SELP: variants seen among roughly 807,000 people sequenced by gnomAD.
The protein encoded by SELP is selectin P, also known as P-selectin.
A neutral mutation model predicts 104.1 loss-of-function variants in SELP; 92 were observed. That is an observed-to-expected ratio of 0.88 (90% CI 0.75 to 1.05). The LOEUF is 1.05. SELP is among the 50% of genes least tolerant of loss of function. The probability of loss-of-function intolerance (pLI) is 0.00; values close to 1 mark genes in which losing one functional copy is unlikely to be tolerated. For synonymous variants in SELP, 397 were observed against 364.5 expected, an observed-to-expected ratio of 1.09 and a Z score of -1.01; for missense variants, 1,022 against 1,017.3, an observed-to-expected ratio of 1.00 and a Z score of -0.06.
chr1:169,610,506 CA>C (rs1220513227), intron 7 of SELP, among the ~76,000 whole-genome samples: 1 of 152,060 alleles, frequency 6.6e-6, no homozygotes, highest in Non-Finnish European at 1.5e-5. Flanking sequence ...ATTTAAGAAC[CA>C]AAAATCCGGC....
At chr1:169,598,775 G>A (rs1661754441) in intron 10 of SELP, among the ~76,000 whole-genome samples, 1 of 152,194 alleles carries the variant, frequency 6.6e-6, no homozygotes, top group African/African-American at 2.4e-5. Flanking sequence ...CCAGAGAACA[G>A]GGCCTGACAC....
At chr1:169,610,706 G>T (rs534603301) in intron 7 of SELP, among the ~76,000 whole-genome samples, 117 of 152,234 alleles carry the variant, frequency 7.7e-4, no homozygotes, top group Non-Finnish European at 1.3e-3. Flanking sequence ...TTGAACCTGG[G>T]AGGCAGAGGT....
intron 5 of SELP, 136 bp from the exon 6 acceptor site, chr1:169,612,538 G>T: frequency 1.4e-6 from 1 of 730,212 alleles, no homozygotes; most frequent in Non-Finnish European, 2.3e-6. Flanking sequence ...GTTAAATGGT[G>T]TTTTCAATAG....
intron 5 of SELP, 59 bp from the exon 6 acceptor site, chr1:169,612,461 G>A (rs1176920597): frequency 6.4e-6 from 10 of 1,553,760 alleles, no homozygotes; most frequent in South Asian, 1.1e-5. Context: ...CCATCACCTT[G>A]GAAGCCTTCA....
rs1383229736 is a variant in SELP at position 169,589,229 on chromosome 1, A to G, written c.*234T>C. 4 of 152,242 alleles carry G rather than the reference A, an allele frequency of 2.6e-5. No individual in the cohort carries two copies. Among genetic ancestry groups the G allele is most frequent in the Non-Finnish European group, 1.5e-5 (1 of 68,048 alleles). 9.4% of individuals were successfully genotyped at this position (152,242 alleles called of 1,614,324 possible). A position where few individuals can be genotyped will look rare whatever the true frequency, so the allele number is the denominator to read the frequency against. The stretch of plus-strand genomic sequence containing the variant: ...CTTTGGTTCACTGGTATTTCAAGTA[A>G]CAGGTGAGTCAAAGCACAGAGACTA... On this transcript the variant is annotated 3_prime_UTR_variant, in exon 17 of 17. Transcript: ENST00000263686.
intron 1 of SELP, 77 bp from the exon 2 acceptor site, chr1:169,619,296 C>T (rs1251694562): frequency 3.7e-6 from 4 of 1,069,862 alleles, no homozygotes; most frequent in Non-Finnish European, 5.7e-6. Context: ...AGTTAACAAT[C>T]ATTATGTTGA....
chr1:169,600,808 A>G (rs183100691), intron 10 of SELP, among the ~76,000 whole-genome samples: 1 of 152,378 alleles, frequency 6.6e-6, no homozygotes, highest in Admixed American at 6.5e-5. Flanking sequence ...AAATTTGGAG[A>G]ACGAAGAAGA....
chr1:169,620,592 A>G (rs951190278), intron 1 of SELP, among the ~76,000 whole-genome samples: 7 of 152,194 alleles, frequency 4.6e-5, no homozygotes, highest in Admixed American at 6.5e-5. Context: ...ACTGCTACCT[A>G]AAACCTTTCC....
chr1:169,612,353 G>A lies in SELP; in HGVS notation c.825C>T (p.Cys275=), dbSNP rs1571657762. The change falls in exon 6 of 17, where the codon TGC becomes TGT. Residue 275 remains cysteine, a synonymous_variant. Coordinates refer to ENST00000263686, the MANE Select transcript of SELP (RefSeq NM_003005.4). ...GCTGGAATGCTTTTGCAGAATGAAG[G>A]CAGGTCATGTTTCCTCGTTCAGGAA... ...LKIPERGNMT[C]LHSAKAFQHQ... The A allele has an allele frequency of 6.8e-6, 11 of 1,614,114 alleles. No individual in the cohort carries two copies. Among genetic ancestry groups the A allele is most frequent in the Non-Finnish European group, 7.6e-6 (9 of 1,180,006 alleles).
chr1:169,589,907 T>C (rs963253817), intron 16 of SELP, among the ~76,000 whole-genome samples: 3 of 152,244 alleles, frequency 2.0e-5, no homozygotes, highest in Non-Finnish European at 2.9e-5. Flanking sequence ...CATCCTGAAA[T>C]AAGTTATGTC....
Position 169,617,509 on chromosome 1 carries a change from G to A in SELP, c.95-95C>T, listed in dbSNP as rs1013590885. On this transcript the variant is annotated intron_variant, in intron 2 of 16. Transcript: ENST00000263686. ...CTTCTGCATACTCAGATGAATTTCC[G>A]ACCAGAACATTAATACACAAAACAA... 34 of 1,285,154 alleles carry A rather than the reference G, an allele frequency of 2.6e-5. 1 individual carries two copies. Among genetic ancestry groups the A allele is most frequent in the South Asian group, 7.1e-5 (5 of 70,576 alleles). The allele number at this position is 1,285,154 out of a possible 1,614,324, so 79.6% of individuals were successfully genotyped here.
intron 1 of SELP, among the ~76,000 whole-genome samples, chr1:169,626,941 C>T (rs1663400097): frequency 6.6e-6 from 1 of 152,020 alleles, no homozygotes; most frequent in Admixed American, 6.5e-5. Context: ...TTTTCTTTGG[C>T]CTCCAAAAAT....
chr1:169,590,208 G>T lies in SELP; in HGVS notation c.2439-6C>A. The T allele has an allele frequency of 6.2e-7, 1 of 1,610,638 alleles. No individual in the cohort carries two copies. The highest frequency in any genetic ancestry group is 8.5e-7 in the Non-Finnish European group (1 of 1,177,014). On this transcript the variant is annotated splice_polypyrimidine_tract_variant and splice_region_variant and intron_variant, in intron 15 of 16. Coordinates refer to ENST00000263686, the MANE Select transcript of SELP (RefSeq NM_003005.4). ...CTCCATATGTTCCTAGGTGGCTAAA[G>T]AACAGAAACACAAGGATGGCAACAA...
chr1:169,614,352 C>A (rs528311996), intron 3 of SELP, among the ~76,000 whole-genome samples: 1 of 152,124 alleles, frequency 6.6e-6, no homozygotes, highest in African/African-American at 2.4e-5. Context: ...ATACAGCAGG[C>A]GAAGAGAGTA....
intron 11 of SELP, 44 bp downstream of exon 11, chr1:169,596,947 A>G: frequency 6.6e-7 from 1 of 1,513,420 alleles, no homozygotes; most frequent in Non-Finnish European, 8.9e-7. Context: ...GTTGTAGAAT[A>G]AATTTCCAAA....
chr1:169,596,188 A>G, intron 11 of SELP, 54 bp from the exon 12 acceptor site: 3 of 1,532,222 alleles, frequency 2.0e-6, no homozygotes, highest in Non-Finnish European at 2.7e-6. Context: ...AGAAGCGTTA[A>G]CAGAGTTAAG....
intron 9 of SELP, among the ~76,000 whole-genome samples, chr1:169,605,489 G>C (rs576178837): frequency 6.6e-6 from 1 of 150,994 alleles, no homozygotes; most frequent in East Asian, 2.0e-4. Context: ...GTGTGTGTGG[G>C]GGGTGTGTGT....
intron 6 of SELP, among the ~76,000 whole-genome samples, chr1:169,611,960 A>G (rs1224388446): frequency 3.3e-5 from 5 of 152,168 alleles, no homozygotes; most frequent in Non-Finnish European, 7.3e-5. Flanking sequence ...ATAGATGTAG[A>G]GGCCACCCTT....
chr1:169,624,079 T>G (rs1663260301), intron 1 of SELP, among the ~76,000 whole-genome samples: 1 of 152,214 alleles, frequency 6.6e-6, no homozygotes. Context: ...AGTTCAAGAT[T>G]CTGTGTTAAC....
Sources: gnomAD v4.1 joint callset for allele counts (sites outside exome capture counted in the v4.1 genomes callset) on GRCh38, gnomAD v4.1.1 for gene constraint, MANE v1.5 for transcripts, NCBI Gene and HGNC (gene_info 2026-07-23, HGNC 2026-07-21) for gene names.